DAB1: variants seen among roughly 807,000 people sequenced by gnomAD.
The protein encoded by DAB1 is DAB adaptor protein 1, also known as disabled homolog 1.
DAB1 carries 15 observed loss-of-function variants against 64.6 expected under a neutral mutation model. The ratio of observed to expected loss-of-function variants is 0.23; its 90% confidence interval spans 0.16 to 0.36. The LOEUF is 0.36. Among genes scored for constraint, DAB1 ranks in the 10% least tolerant of loss-of-function variants. DAB1 has a pLI of 1.00. For missense variants in DAB1, 596 were observed against 706.7 expected (o/e 0.84, Z 1.78); for synonymous variants, 235 against 251.9 (o/e 0.93, Z 0.64).
Position 58,149,401 on chromosome 1 carries a change from T to G in DAB1, n.387+1110A>C, listed in dbSNP as rs377471298. ...ATTCTATCTTGCAAGTGGGTGGTGA[T>G]GGAGGGCACTATTTTTAAGACTTTA... On this transcript the variant is annotated intron_variant and non_coding_transcript_variant, in intron 5 of 20. Transcript: ENST00000485760. Among the ~76,000 whole-genome samples the G allele has an allele frequency of 5.9e-5, 9 of 152,296 alleles. No homozygotes were observed. The East Asian group carries it at 1.7e-3, about 29-fold the overall frequency.
Position 57,969,698 on chromosome 1 carries a change from C to T in DAB1, n.388-85536G>A, listed in dbSNP as rs142764611. Among the ~76,000 whole-genome samples, 524 of 152,232 alleles carry T rather than the reference C, an allele frequency of 3.4e-3. 4 individuals carry two copies. Among genetic ancestry groups the T allele is most frequent in the Non-Finnish European group, 5.2e-3 (353 of 68,010 alleles). On this transcript the variant is annotated intron_variant and non_coding_transcript_variant, in intron 5 of 20. Transcript: ENST00000485760. ...ATATAAGATTGTAAGGTACTTGAAACTATGCTGTTTCATTTGATTCTTGCA... is the reference window on the plus strand; with the variant it reads ...ATATAAGATTGTAAGGTACTTGAAATTATGCTGTTTCATTTGATTCTTGCA...
chr1:57,250,466 C>T (rs593154), intron 2 of DAB1, among the ~76,000 whole-genome samples: 89,079 of 152,022 alleles, frequency 0.59, 26,305 homozygotes, highest in Admixed American at 0.66. Flanking sequence ...AAAGCTATAA[C>T]AGTTATCTTC....
intron 5 of DAB1, 124 bp from the exon 6 acceptor site, chr1:57,071,765 CTTAA>C (rs771479617): frequency 3.3e-6 from 3 of 922,184 alleles, no homozygotes; most frequent in Non-Finnish European, 3.2e-6. Flanking sequence ...GCATTCCATT[CTTAA>C]TTAATTCTTT....
chr1:58,325,132 T>C (rs2100489492), intron 4 of DAB1, among the ~76,000 whole-genome samples: 1 of 152,300 alleles, frequency 6.6e-6, no homozygotes, highest in East Asian at 1.9e-4. Context: ...ATTGGACAAC[T>C]GAATCCTGGG....
chr1:57,547,108 A>T (rs971026929), intron 7 of DAB1, among the ~76,000 whole-genome samples: 2 of 149,948 alleles, frequency 1.3e-5, no homozygotes, highest in Admixed American at 1.3e-4. Context: ...ATAACGAAAG[A>T]AGGCAAGGGG....
At chr1:58,265,229 C>T (rs1387908482) in intron 4 of DAB1, among the ~76,000 whole-genome samples, 1 of 152,182 alleles carries the variant, frequency 6.6e-6, no homozygotes, top group Admixed American at 6.5e-5. Context: ...AGAGGTGGCA[C>T]GGCTTACCCA....
intron 2 of DAB1, among the ~76,000 whole-genome samples, chr1:57,284,409 A>C (rs1376161451): frequency 6.6e-6 from 1 of 152,226 alleles, no homozygotes. Context: ...ATGTTTGTGG[A>C]CAAAAGAACT....
chr1:57,014,755 TAATAATAATATAAACAAAGA>T, intron 12 of DAB1, 108 bp downstream of exon 12: 1 of 670,488 alleles, frequency 1.5e-6, no homozygotes. Flanking sequence ...GTATTACTAG[TAATAATAATATAAACAAAGA>T]AGCCTGATTA....
chr1:57,851,986 T>C (rs759007807), intron 1 of DAB1, among the ~76,000 whole-genome samples: 2 of 152,206 alleles, frequency 1.3e-5, no homozygotes, highest in Admixed American at 6.5e-5. Flanking sequence ...CCCCAAAGCA[T>C]AGTGCCTTGG....
intron 2 of DAB1, among the ~76,000 whole-genome samples, chr1:57,171,645 A>G (rs899364079): frequency 5.9e-5 from 9 of 152,200 alleles, no homozygotes; most frequent in African/African-American, 2.2e-4. Context: ...GGCACTACCC[A>G]GAGGATTAAA....
chr1:57,114,436 T>C (rs1006377141), intron 4 of DAB1, among the ~76,000 whole-genome samples: 12 of 152,226 alleles, frequency 7.9e-5, no homozygotes, highest in African/African-American at 2.7e-4. Flanking sequence ...GCTTCTGCTC[T>C]TTCTTAAAGA....
intron 3 of DAB1, among the ~76,000 whole-genome samples, chr1:58,425,696 G>C (rs1231371938): frequency 6.6e-6 from 1 of 152,072 alleles, no homozygotes; most frequent in East Asian, 1.9e-4. Context: ...GAGTGAGAAG[G>C]AGTTTTAAAA....
chr1:58,438,520 C>T (rs1387120980), intron 3 of DAB1, among the ~76,000 whole-genome samples: 1 of 152,198 alleles, frequency 6.6e-6, no homozygotes, highest in Non-Finnish European at 1.5e-5. Flanking sequence ...GGCCAGCATG[C>T]TGGGCACTAT....
At chr1:58,003,924 G>A (rs534017919) in intron 5 of DAB1, among the ~76,000 whole-genome samples, 2 of 152,276 alleles carry the variant, frequency 1.3e-5, no homozygotes, top group East Asian at 1.9e-4. Context: ...ACCCCCAGCC[G>A]AAGGCTTCAG....
intron 5 of DAB1, among the ~76,000 whole-genome samples, chr1:58,037,499 T>A (rs1341770207): frequency 1.3e-5 from 2 of 152,146 alleles, no homozygotes. Context: ...GGCATTAGAT[T>A]CTTACAGGAG....
intron 7 of DAB1, among the ~76,000 whole-genome samples, chr1:57,585,698 A>T (rs1226529431): frequency 6.6e-6 from 1 of 152,146 alleles, no homozygotes; most frequent in African/African-American, 2.4e-5. Flanking sequence ...AGACTCTATG[A>T]TCAATTCCCC....
intron 1 of DAB1, among the ~76,000 whole-genome samples, chr1:57,305,276 T>C (rs1462607156): frequency 6.6e-6 from 1 of 152,162 alleles, no homozygotes; most frequent in Non-Finnish European, 1.5e-5. Context: ...AAAGGAGCAG[T>C]GACTTTCAGT....
intron 3 of DAB1, among the ~76,000 whole-genome samples, chr1:58,417,012 A>G (rs1334617585): frequency 6.6e-6 from 1 of 152,236 alleles, no homozygotes; most frequent in Non-Finnish European, 1.5e-5. Flanking sequence ...CAGTTTTGAA[A>G]TGAATGTCAC....
chr1:58,228,983 C>G, intron 4 of DAB1: 1 of 438,712 alleles, frequency 2.3e-6, no homozygotes, highest in Non-Finnish European at 4.5e-6. Context: ...GCTCCACCAG[C>G]CCGAAGCCCC....
Sources: allele counts gnomAD v4.1 joint callset (sites outside exome capture counted in the v4.1 genomes callset), GRCh38; gene constraint gnomAD v4.1.1; transcripts MANE v1.5; gene names NCBI Gene and HGNC (gene_info 2026-07-23, HGNC 2026-07-21).